The following ADGRL2 variants were observed in gnomAD, a reference collection of about 807,000 sequenced individuals.
ADGRL2 encodes adhesion G protein-coupled receptor L2, also known as calcium-independent alpha-latrotoxin receptor 2.
ADGRL2 carries 44 observed loss-of-function variants against 157.4 expected under a neutral mutation model. The ratio of observed to expected loss-of-function variants is 0.28; its 90% CI spans 0.22 to 0.36. The LOEUF (loss-of-function observed/expected upper bound fraction) is 0.36, where lower values mean the gene tolerates loss of function less well. Among genes scored for constraint, ADGRL2 ranks in the 10% least tolerant of loss-of-function variants. The pLI is 1.00. For synonymous variants in ADGRL2, 585 were observed against 624.7 expected (o/e 0.94, Z 0.95); for missense variants, 1,510 against 1,768.9 (o/e 0.85, Z 2.63).
At chr1:81,460,783 C>G (rs555588452) in intron 2 of ADGRL2, among the ~76,000 whole-genome samples, 1 of 152,302 alleles carries the variant, frequency 6.6e-6, no homozygotes, top group South Asian at 2.1e-4. Context: ...GAATACTGTT[C>G]CTAACTAGGC....
At chr1:81,520,682 T>C (rs1264231287) in intron 2 of ADGRL2, among the ~76,000 whole-genome samples, 1 of 152,186 alleles carries the variant, frequency 6.6e-6, no homozygotes. Flanking sequence ...TCTGCCATGA[T>C]TGTAAGTTCC....
intron 1 of ADGRL2, among the ~76,000 whole-genome samples, chr1:81,412,530 T>C (rs759322014): frequency 7.9e-5 from 12 of 152,210 alleles, no homozygotes. Flanking sequence ...ATGTATCACA[T>C]AGTGTAGTAA....
intron 2 of ADGRL2, among the ~76,000 whole-genome samples, chr1:81,465,837 T>A (rs1332812300): frequency 1.3e-5 from 2 of 152,216 alleles, no homozygotes; most frequent in Non-Finnish European, 2.9e-5. Flanking sequence ...GCCTGAAAGA[T>A]GATCATTAGT....
chr1:81,899,026 C>T (rs2094443162), intron 2 of ADGRL2, among the ~76,000 whole-genome samples: 1 of 152,054 alleles, frequency 6.6e-6, no homozygotes, highest in Non-Finnish European at 1.5e-5. Flanking sequence ...CTTCCTGGGA[C>T]CCTCAAACAG....
intron 3 of ADGRL2, among the ~76,000 whole-genome samples, chr1:81,669,428 A>T (rs2082820427): frequency 6.6e-6 from 1 of 151,996 alleles, no homozygotes; most frequent in Admixed American, 6.6e-5. Context: ...CTAAAAACAA[A>T]GACTATGGGA....
intron 3 of ADGRL2, among the ~76,000 whole-genome samples, chr1:81,597,030 C>T (rs1326565687): frequency 6.6e-6 from 1 of 152,090 alleles, no homozygotes; most frequent in African/African-American, 2.4e-5. Flanking sequence ...AGCACAGTCC[C>T]TGCCCTGTGA....
rs1664878641 is a variant in ADGRL2 at position 81,993,083 on chromosome 1, ATATATTTTT to A, written c.*1940_*1948del. On this transcript the variant is annotated 3_prime_UTR_variant, in exon 24 of 24. Transcript: ENST00000686636. ...CATATATATATATATATATATATAT[ATATATTTTT>A]TTTTTTTTTTTTTTTTTTTTTTTTT... Among the ~76,000 whole-genome samples, 1 of 31,090 alleles carries A rather than the reference ATATATTTTT, an allele frequency of 3.2e-5. No individual in the cohort carries two copies. The highest frequency in any genetic ancestry group is 5.2e-5 in the Non-Finnish European group (1 of 19,234). The allele number at this position is 31,090 out of a possible 152,430, so 20.4% of individuals were successfully genotyped here. A position where few individuals can be genotyped will look rare whatever the true frequency, so the allele number is the denominator to read the frequency against.
At chr1:81,456,316 C>T (rs1482567284) in intron 2 of ADGRL2, among the ~76,000 whole-genome samples, 1 of 152,092 alleles carries the variant, frequency 6.6e-6, no homozygotes, top group African/African-American at 2.4e-5. Flanking sequence ...ACCTCCTGGG[C>T]TCAAGTGATG....
intron 3 of ADGRL2, among the ~76,000 whole-genome samples, chr1:81,679,427 C>A (rs539410530): frequency 6.6e-6 from 1 of 151,156 alleles, no homozygotes; most frequent in Admixed American, 6.6e-5. Context: ...AAACAGGATT[C>A]TTTTAAAGTA....
At chr1:81,722,706 C>A in intron 1 of ADGRL2, 3 of 1,023,042 alleles carry the variant, frequency 2.9e-6, no homozygotes, top group Admixed American at 3.4e-5. Flanking sequence ...AAAGTATGAG[C>A]GAAACGTGAA....
chr1:81,491,101 C>T lies in ADGRL2; in HGVS notation c.-248+46012C>T, dbSNP rs1326465403. Among the ~76,000 whole-genome samples the T allele has an allele frequency of 2.0e-5, 3 of 152,100 alleles. No individual in the cohort carries two copies. In the East Asian group the frequency reaches 5.8e-4, roughly 29 times the overall value. On this transcript the variant is annotated intron_variant, in intron 2 of 24. Coordinates refer to the ADGRL2 transcript ENST00000370721. ...TGTCGCCTTGGGGGATTAAATCCCA[C>T]CCCCTTGAGAATAACTTCTCTAAAA...
chr1:81,817,275 ATT>A (rs67010910), intron 1 of ADGRL2, among the ~76,000 whole-genome samples: 4 of 144,744 alleles, frequency 2.8e-5, no homozygotes, highest in Non-Finnish European at 4.6e-5. Context: ...CTTCCGTCCC[ATT>A]TTTTTTTTTT....
intron 3 of ADGRL2, among the ~76,000 whole-genome samples, chr1:81,915,233 A>AC (rs2094828268): frequency 6.6e-6 from 1 of 151,870 alleles, no homozygotes; most frequent in Admixed American, 6.6e-5. Flanking sequence ...ATGCCACCAC[A>AC]CCCAGCTAAT....
intron 2 of ADGRL2, among the ~76,000 whole-genome samples, chr1:81,477,377 A>ATG (rs1557719312): frequency 2.0e-5 from 3 of 152,250 alleles, no homozygotes; most frequent in African/African-American, 7.2e-5. Context: ...AAATAAGGAA[A>ATG]TGTGGATTCA....
chr1:81,529,470 T>C (rs1164829611), intron 2 of ADGRL2, among the ~76,000 whole-genome samples: 1 of 152,246 alleles, frequency 6.6e-6, no homozygotes, highest in Non-Finnish European at 1.5e-5. Context: ...TCTGTTGCCA[T>C]GAATTGTCCA....
chr1:81,986,796 A>G (rs942244660), intron 21 of ADGRL2, 105 bp from the exon 22 acceptor site: 17 of 1,133,188 alleles, frequency 1.5e-5, no homozygotes, highest in African/African-American at 1.6e-5. Flanking sequence ...CTTGTCCACT[A>G]CCCTTGATGA....
intron 1 of ADGRL2, among the ~76,000 whole-genome samples, chr1:81,407,205 T>C (rs2076868439): frequency 6.6e-6 from 1 of 152,180 alleles, no homozygotes; most frequent in African/African-American, 2.4e-5. Flanking sequence ...TTGTAATCTG[T>C]TTCTGGCGAG....
chr1:81,528,616 C>T (rs1438517160), intron 2 of ADGRL2, among the ~76,000 whole-genome samples: 6 of 134,666 alleles, frequency 4.5e-5, no homozygotes, highest in Admixed American at 2.6e-4. Flanking sequence ...CACTGCAGTC[C>T]GGCCTGGGCA....
At chr1:81,482,971 A>G (rs562571068) in intron 2 of ADGRL2, among the ~76,000 whole-genome samples, 6 of 152,112 alleles carry the variant, frequency 3.9e-5, no homozygotes, top group Admixed American at 3.9e-4. Flanking sequence ...TACTCTCTCT[A>G]ATCTATTTAT....
Sources: allele counts gnomAD v4.1 joint callset (sites outside exome capture counted in the v4.1 genomes callset), GRCh38; gene constraint gnomAD v4.1.1; transcripts MANE v1.5; gene names NCBI Gene and HGNC (gene_info 2026-07-23, HGNC 2026-07-21).